Variants in ANAPC1 observed in about 807,000 individuals in gnomAD.
The protein encoded by ANAPC1 is anaphase-promoting complex subunit 1.
In ANAPC1, 36 loss-of-function variants were observed where a neutral mutation model predicts 208.0. The ratio of observed to expected loss-of-function variants is 0.17; its 90% CI spans 0.13 to 0.23. ANAPC1 has a LOEUF of 0.23. Ranked by LOEUF, ANAPC1 falls within the 10% of genes least tolerant of loss-of-function variation. The pLI, the probability that ANAPC1 is intolerant of heterozygous loss-of-function variation, is 1.00. For synonymous variants in ANAPC1, 378 were observed against 695.2 expected (o/e 0.54, Z 7.18); for missense variants, 942 against 2,011.6 (o/e 0.47, Z 10.17).
At chr2:111,851,248 A>C (rs2104522129) in intron 13 of ANAPC1, among the ~76,000 whole-genome samples, 1 of 152,168 alleles carries the variant, frequency 6.6e-6, no homozygotes, top group South Asian at 2.1e-4. Flanking sequence ...AACTATAGGC[A>C]CATGCCACTA....
chr2:111,873,306 A>T lies in ANAPC1; in HGVS notation c.528+2T>A. On this transcript the variant is annotated splice_donor_variant, in intron 5 of 47. Transcript: ENST00000341068. LOFTEE classifies it high-confidence loss of function. ...CCCCCAAAATTTGAAACACTTGTTT[A>T]CCTGAAATGGTAATGAAGCTATGTA... 6.3e-7 allele frequency: 1 copy of T among 1,595,352 alleles called. No individual in the cohort carries two copies. The highest frequency in any genetic ancestry group is 8.5e-7 in the Non-Finnish European group (1 of 1,172,760).
intron 3 of ANAPC1, among the ~76,000 whole-genome samples, chr2:111,877,971 T>C (rs993446135): frequency 1.3e-5 from 2 of 152,200 alleles, no homozygotes; most frequent in Admixed American, 1.3e-4. Flanking sequence ...ATGTACTTCA[T>C]TCTGTATTAT....
At chr2:111,841,911 C>T (rs1433287894) in intron 17 of ANAPC1, among the ~76,000 whole-genome samples, 2 of 152,156 alleles carry the variant, frequency 1.3e-5, no homozygotes, top group African/African-American at 4.8e-5. Flanking sequence ...GGCAAAGGTT[C>T]ACCACACCAC....
intron 21 of ANAPC1, among the ~76,000 whole-genome samples, chr2:111,829,484 C>T (rs1680013914): frequency 6.6e-6 from 1 of 152,070 alleles, no homozygotes; most frequent in Non-Finnish European, 1.5e-5. Context: ...GGGAAGACCC[C>T]ACCTGGAAAG....
chr2:111,836,717 T>G (rs1680489466), intron 18 of ANAPC1, among the ~76,000 whole-genome samples: 1 of 151,260 alleles, frequency 6.6e-6, no homozygotes, highest in Non-Finnish European at 1.5e-5. Context: ...ACCTGTAATC[T>G]CAGCACTTTG....
Position 111,821,355 on chromosome 2 carries a change from T to C in ANAPC1, c.3090A>G (p.Glu1030=). Reference sequence around the variant, plus strand: ...TTCGCACATCCTGCACCCTTAAATCTTCACTCCATATTAATGACATGACCT... The same window carrying C: ...TTCGCACATCCTGCACCCTTAAATCCTCACTCCATATTAATGACATGACCT... ...NHEVMSLIWS[E]DLRVQDVRRL... Residue 1030 remains glutamate (E), a synonymous_variant, in exon 26 of 48, where the codon GAA becomes GAG. Transcript: ENST00000341068. The C allele has an allele frequency of 7.1e-7, 1 of 1,404,468 alleles. No individual in the cohort carries two copies. Among genetic ancestry groups the C allele is most frequent in the East Asian group, 2.4e-5 (1 of 42,518 alleles). The allele number at this position is 1,404,468 out of a possible 1,614,324, so 87.0% of individuals were successfully genotyped here. A position where few individuals can be genotyped will look rare whatever the true frequency, so the allele number is the denominator to read the frequency against.
At chr2:111,816,349 TTC>T (rs1195445401) in intron 27 of ANAPC1, among the ~76,000 whole-genome samples, 5 of 150,978 alleles carry the variant, frequency 3.3e-5, no homozygotes, top group Non-Finnish European at 5.9e-5. Context: ...CTCTCTTTTT[TTC>T]TCTCTCTCTC....
At chr2:111,791,624 T>C (rs574905549) in intron 38 of ANAPC1, among the ~76,000 whole-genome samples, 17 of 151,270 alleles carry the variant, frequency 1.1e-4, no homozygotes, top group African/African-American at 3.9e-4. Flanking sequence ...CTTACAAACA[T>C]AATGTTGAGC....
downstream of ANAPC1, chr2:111,767,085 T>C (rs1676490029): frequency 2.4e-6 from 1 of 420,206 alleles, no homozygotes; most frequent in South Asian, 1.7e-5. Context: ...TCTTTAATTA[T>C]GTCTATGGAA....
intron 34 of ANAPC1, among the ~76,000 whole-genome samples, chr2:111,797,886 T>C (rs1678239900): frequency 8.6e-6 from 1 of 116,018 alleles, no homozygotes; most frequent in Admixed American, 8.5e-5. Context: ...AGCAAGCAGA[T>C]TCTAGAGGGG....
intron 7 of ANAPC1, among the ~76,000 whole-genome samples, chr2:111,867,616 C>T (rs747302092): frequency 2.6e-5 from 4 of 151,274 alleles, no homozygotes; most frequent in Non-Finnish European, 4.4e-5. Flanking sequence ...CACTTGAACT[C>T]GGGAGGCAGA....
intron 6 of ANAPC1, among the ~76,000 whole-genome samples, chr2:111,868,835 A>G (rs1470086261): frequency 1.3e-5 from 2 of 152,000 alleles, no homozygotes; most frequent in Non-Finnish European, 2.9e-5. Context: ...ACCTGGCCAG[A>G]AGCCTACATT....
chr2:111,789,741 T>C (rs1677772486), intron 38 of ANAPC1, among the ~76,000 whole-genome samples: 1 of 152,138 alleles, frequency 6.6e-6, no homozygotes, highest in Non-Finnish European at 1.5e-5. Context: ...TTACAGAGTA[T>C]ATATGACCAT....
chr2:111,856,368 T>C (rs1485271283), intron 13 of ANAPC1: 2 of 479,752 alleles, frequency 4.2e-6, no homozygotes, highest in Non-Finnish European at 7.6e-6. Context: ...CCTATACTCA[T>C]TGAAGGTTTC....
intron 26 of ANAPC1, among the ~76,000 whole-genome samples, chr2:111,820,229 C>A (rs1433209491): frequency 2.6e-5 from 4 of 151,998 alleles, no homozygotes; most frequent in African/African-American, 7.2e-5. Context: ...CTGCACTGAG[C>A]TTTACTATGT....
At position 111,794,283 on chromosome 2, in the gene ANAPC1, G is replaced by C; in HGVS notation, c.4414C>G (p.Leu1472Val). The C allele has an allele frequency of 6.2e-7, 1 of 1,613,298 alleles. No individual in the cohort carries two copies. The highest frequency in any genetic ancestry group is 1.1e-5 in the South Asian group (1 of 90,766). Residue 1472 changes from leucine to valine, a missense_variant, in exon 36 of 48, where the codon CTG (leucine) becomes GTG (valine). Leu to Val is a conservative substitution (Grantham distance 32, BLOSUM62 1). Coordinates refer to ENST00000341068, the MANE Select transcript of ANAPC1 (RefSeq NM_022662.4). ...VYIIAGACLS[L>V]GFRFAGSENL... Reference sequence around the variant, plus strand: ...TCTGAGCCAGCAAATCGAAAACCCAGAGACAAGCAGGCTCCTGCAATTATG... The same window carrying C: ...TCTGAGCCAGCAAATCGAAAACCCACAGACAAGCAGGCTCCTGCAATTATG...
At chr2:111,877,690 G>T (rs573377564) in intron 3 of ANAPC1, among the ~76,000 whole-genome samples, 1 of 151,966 alleles carries the variant, frequency 6.6e-6, no homozygotes, top group Non-Finnish European at 1.5e-5. Context: ...AGGGTGAGGC[G>T]GGAGAATGGC....
intron 9 of ANAPC1, 25 bp downstream of exon 9, chr2:111,863,650 A>C: frequency 6.3e-7 from 1 of 1,596,038 alleles, no homozygotes; most frequent in South Asian, 1.1e-5. Context: ...AAAGCTTAGA[A>C]AGAAAAACCA....
chr2:111,862,630 CAGTT>C (rs1345867774), intron 9 of ANAPC1, 32 bp from the exon 10 acceptor site: 1 of 1,600,418 alleles, frequency 6.2e-7, no homozygotes. Context: ...GAGTACATCA[CAGTT>C]AGCAAGGCAG....
Sources: allele counts gnomAD v4.1 joint callset (sites outside exome capture counted in the v4.1 genomes callset), GRCh38; gene constraint gnomAD v4.1.1; transcripts MANE v1.5; gene names NCBI Gene and HGNC (gene_info 2026-07-23, HGNC 2026-07-21).